Variants in CCP110 observed in about 807,000 individuals in gnomAD.
The protein encoded by CCP110 is centriolar coiled-coil protein of 110 kDa.
Under a neutral mutation model 105.5 loss-of-function variants are expected in CCP110, and 43 were observed. That is an observed-to-expected ratio of 0.41 (90% CI 0.32 to 0.53). The LOEUF (loss-of-function observed/expected upper bound fraction) is 0.53. Ranked by LOEUF, CCP110 falls within the 20% of genes least tolerant of loss-of-function variation. CCP110 has a pLI of 0.32. For synonymous variants in CCP110, 353 were observed against 392.1 expected, an observed-to-expected ratio of 0.90 and a Z score of 1.18; for missense variants, 1,016 against 1,189.1, an observed-to-expected ratio of 0.85 and a Z score of 2.14.
chr16:19,536,165 G>A (rs1470443267), exon 4 of CCP110: 21 of 1,613,924 alleles, frequency 1.3e-5, no homozygotes, highest in African/African-American at 2.7e-5. Context: ...TAGAGATTCA[G>A]AAGGATTTAA....
At chr16:19,528,047 G>GT in intron 2 of CCP110, 25 bp downstream of exon 2, 1 of 1,587,080 alleles carries the variant, frequency 6.3e-7, no homozygotes, top group Non-Finnish European at 8.6e-7. Context: ...TTTTTAAATA[G>GT]TTTTTTTCTG....
chr16:19,548,300 C>T lies in CCP110; in HGVS notation c.2901-215C>T. 1 of 576,640 alleles carries T rather than the reference C, an allele frequency of 1.7e-6. No homozygotes were observed. The highest frequency in any genetic ancestry group is 3.0e-6 in the Non-Finnish European group (1 of 328,042). The allele number at this position is 576,640 out of a possible 1,614,324, so 35.7% of individuals were successfully genotyped here. A position where few individuals can be genotyped will look rare whatever the true frequency, so the allele number is the denominator to read the frequency against. On this transcript the variant is annotated intron_variant, in intron 13 of 14. Transcript: ENST00000381396. This position sits in a 1 kb window ranked among gnomAD's most constrained non-coding sequence, Gnocchi z 4.1. ...AATATCCATATAGTAAATTCAGCAT[C>T]ACCGAAGTGATTCTCCAACAGAGTA... is the stretch of plus-strand genomic sequence containing the variant.
chr16:19,536,918 G>A, exon 4 of CCP110: 1 of 1,614,180 alleles, frequency 6.2e-7, no homozygotes, highest in Non-Finnish European at 8.5e-7. Context: ...AGATACTGAT[G>A]AAAACACAAA....
At position 19,544,802 on chromosome 16, in the gene CCP110, T is replaced by A. The variant is rs201833993; in HGVS notation, c.2490T>A (p.Thr830=). The A allele has an allele frequency of 5.3e-5, 81 of 1,519,796 alleles. No individual in the cohort carries two copies. In the East Asian group the frequency reaches 1.2e-3, roughly 23 times the overall value. The allele number at this position is 1,519,796 out of a possible 1,614,324, so 94.1% of individuals were successfully genotyped here. The change falls in exon 9 of 15, where the codon ACT becomes ACA. Residue 830 remains threonine, a synonymous_variant. Coordinates refer to ENST00000381396, the Ensembl canonical transcript of CCP110. ...AGGAGCATTTCTTTTTTCAGGATAC[T>A]ATGGAATTCATAAGAAGTTTTCAGT...
chr16:19,536,876 G>A (rs1054480188), exon 4 of CCP110: 7 of 1,614,038 alleles, frequency 4.3e-6, no homozygotes, highest in Non-Finnish European at 5.9e-6. Flanking sequence ...AAGCCCTAAA[G>A]GAAAAGAACA....
chr16:19,549,695 C>T (rs1253741108), intron 14 of CCP110, among the ~76,000 whole-genome samples: 1 of 152,208 alleles, frequency 6.6e-6, no homozygotes, highest in Non-Finnish European at 1.5e-5. Flanking sequence ...AACACCAAAC[C>T]TGTGGAATTT....
intron 2 of CCP110, among the ~76,000 whole-genome samples, chr16:19,530,702 C>T (rs1969835692): frequency 6.6e-6 from 1 of 151,554 alleles, no homozygotes; most frequent in African/African-American, 2.4e-5. Flanking sequence ...AAATGTAATC[C>T]CAGCACTTTG....
chr16:19,530,870 C>T (rs1467903710), intron 2 of CCP110, among the ~76,000 whole-genome samples: 1 of 152,082 alleles, frequency 6.6e-6, no homozygotes, highest in Non-Finnish European at 1.5e-5. Flanking sequence ...AGGAGAATCG[C>T]TTGAACCCAG....
In CCP110 at chr16:19,548,240, T is replaced by C; in HGVS notation, c.2900+226T>C. The stretch of plus-strand genomic sequence containing the variant: ...GTCTTAAGTTGGGATGTTTTTACTT[T>C]TCATTTCATACCATTTTACTCATAA... On this transcript the variant is annotated intron_variant, in intron 13 of 14. Coordinates refer to ENST00000381396, the Ensembl canonical transcript of CCP110. This position sits in a 1 kb window ranked among gnomAD's most constrained non-coding sequence, Gnocchi z 4.1. The C allele has an allele frequency of 1.7e-6, 1 of 581,684 alleles. No individual in the cohort carries two copies. Among genetic ancestry groups the C allele is most frequent in the South Asian group, 2.3e-5 (1 of 43,758 alleles). 36.0% of individuals were successfully genotyped at this position (581,684 alleles called of 1,614,324 possible).
intron 3 of CCP110, among the ~76,000 whole-genome samples, chr16:19,535,215 A>G (rs995714531): frequency 6.6e-6 from 1 of 152,178 alleles, no homozygotes; most frequent in Non-Finnish European, 1.5e-5. Context: ...TTCATATGAT[A>G]ATACAATGAT....
exon 4 of CCP110, chr16:19,537,351 G>T: frequency 6.2e-7 from 1 of 1,613,796 alleles, no homozygotes; most frequent in Non-Finnish European, 8.5e-7. Context: ...CAGAATACGA[G>T]ACAGCAGATG....
chr16:19,551,399 G>A (rs1004673196), exon 15 of CCP110: 3 of 719,040 alleles, frequency 4.2e-6, no homozygotes, highest in Non-Finnish European at 7.5e-6. Flanking sequence ...TGGTCAGTTT[G>A]GTAATTCCTG....
chr16:19,542,695 A>G lies in CCP110; in HGVS notation c.2302A>G (p.Thr768Ala), dbSNP rs570527798. 67 of 1,613,538 alleles carry G rather than the reference A, an allele frequency of 4.2e-5. No individual in the cohort carries two copies. The highest frequency in any genetic ancestry group is 1.6e-4 in the Middle Eastern group (1 of 6,062). The change falls in exon 7 of 15, where the codon ACT (threonine) becomes GCT (alanine). Residue 768 changes from threonine to alanine, a missense_variant. Physicochemically the swap from Thr to Ala is moderately conservative, Grantham distance 58 (BLOSUM62 0). Coordinates refer to ENST00000381396, the Ensembl canonical transcript of CCP110. ...ACCATTCTACCTCTGGGGATCATCA[A>G]CTAGTGGCTTGACCAAACTCTCAGT...
chr16:19,542,153 T>A, intron 6 of CCP110, 89 bp downstream of exon 6: 1 of 870,122 alleles, frequency 1.1e-6, no homozygotes. Context: ...ATCTCCTGTT[T>A]TCAAATGATT....
At position 19,542,614 on chromosome 16, in the gene CCP110, T is replaced by C. The variant is rs762125773; in HGVS notation, c.2228-7T>C. On this transcript the variant is annotated splice_polypyrimidine_tract_variant and splice_region_variant and intron_variant, in intron 6 of 14. Transcript: ENST00000381396. ...TCAAGTATAATACTATATGTATGTT[T>C]CTCTAGGTTTCACAAATTCTGCCAT... 3.1e-6 allele frequency: 5 copies of C among 1,595,902 alleles called. No individual in the cohort carries two copies. The African/African-American group carries it at 6.7e-5, about 21-fold the overall frequency.
exon 4 of CCP110, chr16:19,537,093 A>G (rs1695231855): frequency 6.2e-7 from 1 of 1,614,192 alleles, no homozygotes; most frequent in South Asian, 1.1e-5. Flanking sequence ...AAAGTTACTC[A>G]TGGACTTGTT....
exon 4 of CCP110, chr16:19,537,261 T>C: frequency 6.2e-7 from 1 of 1,614,156 alleles, no homozygotes; most frequent in Non-Finnish European, 8.5e-7. Context: ...GCCAGTATGT[T>C]AGAGAAAAAC....
At chr16:19,547,972 A>G in exon 13 of CCP110, 1 of 1,612,024 alleles carries the variant, frequency 6.2e-7, no homozygotes. Flanking sequence ...CAGCCAAACC[A>G]AGGACAGAAT....
At chr16:19,538,302 C>CT (rs1164690143) in intron 4 of CCP110, among the ~76,000 whole-genome samples, 3,208 of 55,118 alleles carry the variant, frequency 0.058, 821 homozygotes, top group African/African-American at 0.089. Flanking sequence ...GGAAACAGTT[C>CT]TTTTTTTTTT....
Sources: gnomAD v4.1 joint callset for allele counts (sites outside exome capture counted in the v4.1 genomes callset) on GRCh38, gnomAD v4.1.1 for gene constraint, Gnocchi (gnomAD v3.1) non-coding constraint, MANE v1.5 for transcripts, NCBI Gene and HGNC (gene_info 2026-07-23, HGNC 2026-07-21) for gene names.